The following USP15 variants were observed in gnomAD, a reference collection of about 807,000 sequenced individuals.
The protein encoded by USP15 is ubiquitin specific peptidase 15.
In USP15, 18 loss-of-function variants were observed where a neutral mutation model predicts 127.1. That is an observed-to-expected ratio of 0.14 (90% confidence interval 0.10 to 0.21). USP15 has a LOEUF of 0.21. USP15 is among the 10% of genes least tolerant of loss of function. USP15 has a pLI of 1.00. For missense variants in USP15, 805 were observed against 1,159.9 expected, an observed-to-expected ratio of 0.69 and a Z score of 4.44; for synonymous variants, 364 against 393.7, an observed-to-expected ratio of 0.92 and a Z score of 0.89.
rs1333056031 is a variant in USP15 at position 62,409,244 on chromosome 12, G to A, written c.*4869G>A. ...TGTCAGGGTTGTGAAATAGATCTCA[G>A]ACTATTAAGGACATTCAGAAACTGG... On this transcript the variant is annotated 3_prime_UTR_variant, in exon 22 of 22. Transcript: ENST00000280377. The A allele has an allele frequency of 6.6e-6, 1 of 152,158 alleles. No homozygotes were observed. The highest frequency in any genetic ancestry group is 6.6e-5 in the Admixed American group (1 of 15,266). 9.4% of individuals were successfully genotyped at this position (152,158 alleles called of 1,614,324 possible). A position where few individuals can be genotyped will look rare whatever the true frequency, so the allele number is the denominator to read the frequency against.
intron 2 of USP15, among the ~76,000 whole-genome samples, chr12:62,301,843 A>G (rs999077848): frequency 2.6e-5 from 4 of 152,166 alleles, no homozygotes; most frequent in African/African-American, 9.7e-5. Context: ...CGTATCTGTT[A>G]ATTAAGACTA....
At position 62,392,343 on chromosome 12, in the gene USP15, T is replaced by C; in HGVS notation, c.2376T>C (p.Ile792=). The change falls in exon 18 of 22, where the codon ATT becomes ATC. Residue 792 remains isoleucine (I), a synonymous_variant. Transcript: ENST00000280377. The part of the protein sequence containing the change: ...KKPFVKLKDC[I]ELFTTKEKLG... ...CCTTTGTGAAATTAAAAGATTGCAT[T>C]GAACTTTTTACAACAAAAGAAAAGC... 2 of 1,606,662 alleles carry C rather than the reference T, an allele frequency of 1.2e-6. 1 individual carries two copies. The highest frequency in any genetic ancestry group is 3.4e-5 in the Admixed American group (2 of 58,190).
chr12:62,320,189 G>C (rs923572159), intron 4 of USP15, among the ~76,000 whole-genome samples: 3 of 152,186 alleles, frequency 2.0e-5, no homozygotes, highest in African/African-American at 7.2e-5. Flanking sequence ...ATGTGTTGGA[G>C]GAGGTGCCTG....
rs370231517 is a variant in USP15, at chr12:62,393,069, A to G, written c.2437A>G (p.Lys813Glu). 2.0e-5 allele frequency: 33 copies of G among 1,613,624 alleles called. No individual in the cohort carries two copies. Among genetic ancestry groups the G allele is most frequent in the Non-Finnish European group, 2.6e-5 (31 of 1,179,842 alleles). The change falls in exon 19 of 22, where the codon AAA becomes GAA. Residue 813 changes from lysine (K) to glutamate (E), a missense_variant. Lys to Glu is a moderately conservative substitution (Grantham distance 56). This residue lies in a region of USP15 where 24 missense variants were observed against 71.5 expected (regional missense o/e 0.34). Coordinates refer to ENST00000280377, the MANE Select transcript of USP15 (RefSeq NM_001252078.2). ...TATTCTTAGGTATTGTCCGAATTGTAAAGAACATCAGCAAGCCACAAAGAA... is the reference window on the plus strand; with the variant it reads ...TATTCTTAGGTATTGTCCGAATTGTGAAGAACATCAGCAAGCCACAAAGAA... ...AEDPWYCPNCKEHQQATKKLD... is the reference protein window; with the variant it reads ...AEDPWYCPNCEEHQQATKKLD...
In USP15 at chr12:62,381,752, A is replaced by C. The variant is rs2066996660; in HGVS notation, c.1089+89A>C. 22 of 1,328,700 alleles carry C rather than the reference A, an allele frequency of 1.7e-5. 1 individual carries two copies. In the South Asian group the frequency reaches 3.4e-4, roughly 20 times the overall value. The allele number at this position is 1,328,700 out of a possible 1,614,324, so 82.3% of individuals were successfully genotyped here. A position where few individuals can be genotyped will look rare whatever the true frequency, so the allele number is the denominator to read the frequency against. ...ATAGGGGGAGTGAAAAATAGTAGCT[A>C]TTACAATGGTTTGTGGCCCTCCAAA... On this transcript the variant is annotated intron_variant, in intron 9 of 21. Coordinates refer to ENST00000280377, the MANE Select transcript of USP15 (RefSeq NM_001252078.2).
At chr12:62,376,814 A>G (rs534369231) in intron 8 of USP15, among the ~76,000 whole-genome samples, 68 of 152,276 alleles carry the variant, frequency 4.5e-4, no homozygotes, top group Non-Finnish European at 8.7e-4. Context: ...TTTAGTCCAT[A>G]TTATAATGCA....
intron 1 of USP15, among the ~76,000 whole-genome samples, chr12:62,292,516 T>G (rs1040024622): frequency 1.3e-5 from 2 of 152,166 alleles, no homozygotes; most frequent in African/African-American, 4.8e-5. Flanking sequence ...GCCCTCTGGT[T>G]TCTTGTGCCA....
At position 62,352,949 on chromosome 12, in the gene USP15, A is replaced by G. The variant is rs552137535; in HGVS notation, c.771-2382A>G. Among the ~76,000 whole-genome samples the G allele has an allele frequency of 7.9e-5, 12 of 152,148 alleles. No individual in the cohort carries two copies. The South Asian group carries it at 2.5e-3, about 32-fold the overall frequency. ...TGTAAATTTATTTTTGCAAAGTAGC[A>G]TAGCCTTAAAAGATGATGACTAGCT... On this transcript the variant is annotated intron_variant, in intron 7 of 21. Coordinates refer to ENST00000280377, the MANE Select transcript of USP15 (RefSeq NM_001252078.2).
chr12:62,267,469 T>C (rs2063222905), intron 1 of USP15, among the ~76,000 whole-genome samples: 1 of 152,168 alleles, frequency 6.6e-6, no homozygotes, highest in Admixed American at 6.5e-5. Flanking sequence ...CATTTGATTA[T>C]GTCTAGACTG....
chr12:62,261,685 A>C (rs549572992), intron 1 of USP15, among the ~76,000 whole-genome samples: 13 of 152,204 alleles, frequency 8.5e-5, no homozygotes, highest in Non-Finnish European at 1.6e-4. Flanking sequence ...TAAGAATTTC[A>C]TATTTATGAG....
intron 6 of USP15, among the ~76,000 whole-genome samples, chr12:62,333,798 T>G (rs2065373897): frequency 1.3e-5 from 2 of 152,156 alleles, no homozygotes; most frequent in African/African-American, 2.4e-5. Context: ...TGGAGTCATA[T>G]TCCTATAAAT....
rs1183832000 is a variant in USP15, at chr12:62,280,986, AT to A, written c.90-13192del. On this transcript the variant is annotated intron_variant, in intron 1 of 21. Coordinates refer to ENST00000280377, the MANE Select transcript of USP15 (RefSeq NM_001252078.2). The stretch of plus-strand genomic sequence containing the variant: ...GAAACTCAAAGTGAAAATTGGGCTT[AT>A]CTGGACCCTAATAGTATATAAGGAT... Among the ~76,000 whole-genome samples the A allele has an allele frequency of 5.9e-5, 9 of 152,350 alleles. 1 individual carries two copies. The highest frequency in any genetic ancestry group is 2.6e-4 in the Admixed American group (4 of 15,296).
At chr12:62,261,527 G>C (rs1261961694) in intron 1 of USP15, among the ~76,000 whole-genome samples, 1 of 152,246 alleles carries the variant, frequency 6.6e-6, no homozygotes, top group East Asian at 1.9e-4. Context: ...GTAAGATTTA[G>C]ACCTGAGTTA....
intron 8 of USP15, among the ~76,000 whole-genome samples, chr12:62,380,605 C>T (rs567807817): frequency 3.3e-5 from 5 of 152,120 alleles, no homozygotes; most frequent in South Asian, 2.1e-4. Flanking sequence ...CCACTTAATT[C>T]CAACACAAAT....
At position 62,396,439 on chromosome 12, in the gene USP15, T is replaced by A. The variant is rs767688325; in HGVS notation, c.2674+41T>A. On this transcript the variant is annotated intron_variant, in intron 20 of 21. Transcript: ENST00000280377. ...GCCTTTTTACCCAAATCATGGTGTT[T>A]GAAGAACTCCAGACTTTTTTCTTTA... 5 of 1,547,930 alleles carry A rather than the reference T, an allele frequency of 3.2e-6. No individual in the cohort carries two copies. In the Admixed American group the frequency reaches 6.7e-5, roughly 21 times the overall value.
At chr12:62,272,227 C>G (rs971146053) in intron 1 of USP15, among the ~76,000 whole-genome samples, 1 of 151,792 alleles carries the variant, frequency 6.6e-6, no homozygotes, top group Admixed American at 6.6e-5. Context: ...ATTGTTTATG[C>G]CATTCTGCAC....
At chr12:62,323,927 T>C (rs1010000012) in intron 5 of USP15, among the ~76,000 whole-genome samples, 2 of 151,956 alleles carry the variant, frequency 1.3e-5, no homozygotes, top group African/African-American at 4.8e-5. Flanking sequence ...TTTCAAAGAA[T>C]AGTCATTAAA....
At chr12:62,287,175 A>AGGGAGAGAG (rs1271029081) in intron 1 of USP15, among the ~76,000 whole-genome samples, 1 of 151,992 alleles carries the variant, frequency 6.6e-6, no homozygotes, top group Non-Finnish European at 1.5e-5. Flanking sequence ...AAAAGAGAAG[A>AGGGAGAGAG]GGGAGAGAGG....
chr12:62,386,168 GTT>G (rs11431206), intron 11 of USP15, among the ~76,000 whole-genome samples: 5 of 145,294 alleles, frequency 3.4e-5, no homozygotes, highest in East Asian at 2.0e-4. Flanking sequence ...TGTGTTTTGT[GTT>G]TTTTTTTTTT....
Sources: allele counts gnomAD v4.1 joint callset (sites outside exome capture counted in the v4.1 genomes callset), GRCh38; gene constraint gnomAD v4.1.1; regional missense constraint gnomAD v4.1.1; transcripts MANE v1.5; gene names NCBI Gene and HGNC (gene_info 2026-07-23, HGNC 2026-07-21).